BICC1: variants seen among roughly 807,000 people sequenced by gnomAD.
BICC1 encodes the protein protein bicaudal C homolog 1.
In BICC1, 43 loss-of-function variants were observed where a neutral mutation model predicts 111.0. The observed-to-expected ratio is 0.39, with a 90% confidence interval of 0.30 to 0.50. The LOEUF is 0.50. Ranked by LOEUF, BICC1 falls within the 20% of genes least tolerant of loss-of-function variation. BICC1 has a pLI of 0.88. For missense variants in BICC1, 1,091 were observed against 1,203.2 expected, an observed-to-expected ratio of 0.91 and a Z score of 1.38; for synonymous variants, 467 against 434.4, an observed-to-expected ratio of 1.07 and a Z score of -0.93.
chr10:58,795,414 C>G (rs984247237), intron 9 of BICC1, among the ~76,000 whole-genome samples: 1 of 152,018 alleles, frequency 6.6e-6, no homozygotes, highest in African/African-American at 2.4e-5. Flanking sequence ...TTGAGTTGAC[C>G]AGAGTCACTG....
At chr10:58,584,858 G>A (rs1315544191) in intron 1 of BICC1, among the ~76,000 whole-genome samples, 1 of 151,888 alleles carries the variant, frequency 6.6e-6, no homozygotes, top group Admixed American at 6.6e-5. Flanking sequence ...AAAAACATGA[G>A]TGCGGAAGAG....
chr10:58,608,235 A>G (rs1845296220), intron 1 of BICC1, among the ~76,000 whole-genome samples: 1 of 151,882 alleles, frequency 6.6e-6, no homozygotes, highest in African/African-American at 2.4e-5. Flanking sequence ...ACTGCCCCAA[A>G]ACCACCTATT....
At position 58,525,703 on chromosome 10, in the gene BICC1, T is replaced by C. The variant is rs79191464; in HGVS notation, c.190+12370T>C. Among the ~76,000 whole-genome samples the C allele has an allele frequency of 8.1e-3, 381 of 46,820 alleles. 4 individuals are homozygous for C. In the East Asian group the frequency reaches 0.11, roughly 13 times the overall value. The allele number at this position is 46,820 out of a possible 152,430, so 30.7% of individuals were successfully genotyped here. A position where few individuals can be genotyped will look rare whatever the true frequency, so the allele number is the denominator to read the frequency against. On this transcript the variant is annotated intron_variant, in intron 1 of 20. Coordinates refer to ENST00000373886, the MANE Select transcript of BICC1 (RefSeq NM_001080512.3). ...GTTGTGTACATGTACCCTAAAACTT[T>C]AATAATAAAAAAAATTTTTTAAAGC... is the stretch of plus-strand genomic sequence containing the variant.
At chr10:58,819,854 TC>T (rs976488492) in intron 19 of BICC1, among the ~76,000 whole-genome samples, 3 of 152,120 alleles carry the variant, frequency 2.0e-5, no homozygotes, top group Admixed American at 2.0e-4. Flanking sequence ...GTTTTATAGT[TC>T]CTGCAAATAC....
At chr10:58,804,943 T>C (rs969499581) in intron 15 of BICC1, among the ~76,000 whole-genome samples, 8 of 152,220 alleles carry the variant, frequency 5.3e-5, no homozygotes, top group Middle Eastern at 3.2e-3. Flanking sequence ...TCTCTTTTTA[T>C]GCTTATCTCA....
chr10:58,796,690 T>C (rs917964773), intron 10 of BICC1, among the ~76,000 whole-genome samples, 164 bp downstream of exon 10: 6 of 152,222 alleles, frequency 3.9e-5, no homozygotes, highest in African/African-American at 1.4e-4. Context: ...ATTTTGGGGT[T>C]TCTTAGTCTC....
chr10:58,748,554 T>C (rs1018812511), intron 3 of BICC1, among the ~76,000 whole-genome samples: 1 of 140,866 alleles, frequency 7.1e-6, no homozygotes, highest in African/African-American at 2.5e-5. Context: ...TATCTTGACG[T>C]AGGGTGGAAA....
intron 2 of BICC1, among the ~76,000 whole-genome samples, chr10:58,683,493 T>C (rs1343657637): frequency 1.3e-5 from 2 of 152,226 alleles, no homozygotes; most frequent in Non-Finnish European, 2.9e-5. Context: ...TTTCACGATA[T>C]TGATTCTTCC....
chr10:58,616,757 C>G (rs2132123914), intron 1 of BICC1, among the ~76,000 whole-genome samples: 1 of 152,318 alleles, frequency 6.6e-6, no homozygotes, highest in East Asian at 1.9e-4. Context: ...GCATTCTTTT[C>G]CAGAGAGCCA....
intron 2 of BICC1, among the ~76,000 whole-genome samples, chr10:58,628,185 T>A (rs187977046): frequency 2.0e-5 from 3 of 152,302 alleles, no homozygotes; most frequent in African/African-American, 4.8e-5. Context: ...ATTACTTTTA[T>A]AATCAGGATT....
intron 3 of BICC1, among the ~76,000 whole-genome samples, chr10:58,732,924 A>G (rs1841360889): frequency 6.6e-6 from 1 of 152,192 alleles, no homozygotes; most frequent in Non-Finnish European, 1.5e-5. Flanking sequence ...AGGAATTACC[A>G]AAACATGACA....
chr10:58,783,342 G>C lies in BICC1; in HGVS notation c.308-1659G>C, dbSNP rs975616816. ...TTTCACCATCCTGGTCCTAGCAGTG[G>C]GTAGCTTTAAGAAAAATCGTTTCCT... On this transcript the variant is annotated intron_variant, in intron 3 of 20. Coordinates refer to ENST00000373886, the MANE Select transcript of BICC1 (RefSeq NM_001080512.3). Among the ~76,000 whole-genome samples the C allele has an allele frequency of 2.0e-5, 3 of 152,042 alleles. No individual in the cohort carries two copies. The East Asian group carries it at 5.8e-4, about 29-fold the overall frequency.
intron 3 of BICC1, among the ~76,000 whole-genome samples, chr10:58,741,676 GAATAA>G (rs1589088261): frequency 6.6e-6 from 1 of 152,280 alleles, no homozygotes; most frequent in East Asian, 1.9e-4. Context: ...GGGAAACTGA[GAATAA>G]GATTGAGTAT....
At chr10:58,612,141 C>A (rs1390938395) in intron 1 of BICC1, among the ~76,000 whole-genome samples, 1 of 152,146 alleles carries the variant, frequency 6.6e-6, no homozygotes, top group African/African-American at 2.4e-5. Context: ...AAGTGTTCTT[C>A]AGTTGGTTAG....
At chr10:58,700,869 A>G (rs182408155) in intron 2 of BICC1, among the ~76,000 whole-genome samples, 10 of 152,320 alleles carry the variant, frequency 6.6e-5, no homozygotes, top group Admixed American at 2.6e-4. Flanking sequence ...AGTTTTCCAG[A>G]GAACCAGAAA....
In BICC1 at chr10:58,607,664, C is replaced by T. The variant is rs538405341; in HGVS notation, c.191-13191C>T. ...TCCTCATCTCCTTCTCAATCTCTTC[C>T]TTCTGTTATTTTGTTTTGCTTTTGC... On this transcript the variant is annotated intron_variant, in intron 1 of 20. Coordinates refer to ENST00000373886, the MANE Select transcript of BICC1 (RefSeq NM_001080512.3). Among the ~76,000 whole-genome samples, 17 of 152,184 alleles carry T rather than the reference C, an allele frequency of 1.1e-4. No individual in the cohort carries two copies. The South Asian group carries it at 3.5e-3, about 32-fold the overall frequency.
At chr10:58,689,738 C>T (rs529633023) in intron 2 of BICC1, among the ~76,000 whole-genome samples, 2 of 152,314 alleles carry the variant, frequency 1.3e-5, no homozygotes, top group South Asian at 4.1e-4. Flanking sequence ...GTGCTGAGGA[C>T]AGAAGTTAGT....
intron 1 of BICC1, among the ~76,000 whole-genome samples, chr10:58,538,673 G>C (rs1174275692): frequency 1.3e-5 from 2 of 151,766 alleles, no homozygotes; most frequent in African/African-American, 4.8e-5. Flanking sequence ...ACAACCTACA[G>C]AATGAGAGAA....
At chr10:58,794,165 T>TTG (rs71006206) in intron 9 of BICC1, among the ~76,000 whole-genome samples, 30,277 of 138,050 alleles carry the variant, frequency 0.22, 3,066 homozygotes, top group South Asian at 0.28. Context: ...CTTACATGTT[T>TTG]TGTGTGTGTG....
Sources: allele counts gnomAD v4.1 joint callset (sites outside exome capture counted in the v4.1 genomes callset), GRCh38; gene constraint gnomAD v4.1.1; transcripts MANE v1.5; gene names NCBI Gene and HGNC (gene_info 2026-07-23, HGNC 2026-07-21).